Variants in TEX11 observed in about 807,000 individuals in gnomAD.
The protein encoded by TEX11 is testis expressed 11.
TEX11 carries 7 observed loss-of-function variants against 84.4 expected under a neutral mutation model. That is an observed-to-expected ratio of 0.08 (90% CI 0.05 to 0.16). The LOEUF is 0.16. Among genes scored for constraint, TEX11 ranks in the 10% least tolerant of loss-of-function variants. TEX11 has a pLI of 1.00. For missense variants in TEX11, 551 were observed against 660.5 expected, an observed-to-expected ratio of 0.83 and a Z score of 1.82; for synonymous variants, 264 against 222.8, an observed-to-expected ratio of 1.18 and a Z score of -1.64.
At chrX:70,895,938 A>G (rs2091764064) in intron 2 of TEX11, among the ~76,000 whole-genome samples, 1 of 112,438 alleles carries the variant, frequency 8.9e-6, no homozygotes, top group African/African-American at 3.2e-5. Context: ...AACCTACACA[A>G]TACCACTCAG....
chrX:70,627,323 G>C lies in TEX11; in HGVS notation c.1608+2288C>G, dbSNP rs147615028. Reference sequence around the variant, plus strand: ...TGTTTGATATGGGATAAATGAGCATGTTCATATGCTGATGGGAATAAACCA... The same window carrying C: ...TGTTTGATATGGGATAAATGAGCATCTTCATATGCTGATGGGAATAAACCA... On this transcript the variant is annotated intron_variant, in intron 18 of 29. Transcript: ENST00000374333. Among the ~76,000 whole-genome samples the C allele has an allele frequency of 6.8e-4, 77 of 112,433 alleles. 1 individual carries two copies. In the Middle Eastern group the frequency reaches 0.019, roughly 27 times the overall value.
chrX:70,851,221 G>C (rs2091506603), intron 7 of TEX11, among the ~76,000 whole-genome samples: 1 of 112,037 alleles, frequency 8.9e-6, no homozygotes, highest in Non-Finnish European at 1.9e-5. Flanking sequence ...ATCAAGACAA[G>C]TGTGGTACCA....
In TEX11 at chrX:70,797,689, G is replaced by A. The variant is rs905062818; in HGVS notation, c.692+9016C>T. ...TTATTCCTCAGATATGAGGGTGGGG[G>A]TGGTTCAGCATATAAAAATCAATAA... On this transcript the variant is annotated intron_variant, in intron 9 of 29. Transcript: ENST00000374333. Among the ~76,000 whole-genome samples, 26 of 106,603 alleles carry A rather than the reference G, an allele frequency of 2.4e-4. 1 individual carries two copies. Among genetic ancestry groups the A allele is most frequent in the Admixed American group, 1.8e-3 (17 of 9,661 alleles). The allele number at this position is 106,603 out of a possible 115,157, so 92.6% of individuals were successfully genotyped here. A position where few individuals can be genotyped will look rare whatever the true frequency, so the allele number is the denominator to read the frequency against.
At chrX:70,868,582 G>A (rs2091611617) in intron 4 of TEX11, among the ~76,000 whole-genome samples, 1 of 111,660 alleles carries the variant, frequency 9.0e-6, no homozygotes, top group African/African-American at 3.3e-5. Flanking sequence ...GCACACGCAT[G>A]TTTATTGCAG....
intron 13 of TEX11, among the ~76,000 whole-genome samples, chrX:70,688,225 C>G (rs188741604): frequency 9.0e-6 from 1 of 111,210 alleles, no homozygotes; most frequent in South Asian, 3.8e-4. Flanking sequence ...AGAAAAAAAT[C>G]TTGAATGCAC....
At chrX:70,886,111 A>G (rs1390271371) in intron 2 of TEX11, among the ~76,000 whole-genome samples, 1 of 111,266 alleles carries the variant, frequency 9.0e-6, no homozygotes, top group East Asian at 2.8e-4. Context: ...CATGAATTGA[A>G]ATCAGGGTCT....
rs752629457 is a variant in TEX11 at position 70,899,407 on chromosome X, T to A, written c.37+8346A>T. The stretch of plus-strand genomic sequence containing the variant: ...TGCTGGGCTATAGCATTAAAATTAT[T>A]ATTATATTAAAAATTAATTTCACCT... On this transcript the variant is annotated intron_variant, in intron 2 of 29. Coordinates refer to ENST00000374333, the MANE Select transcript of TEX11 (RefSeq NM_031276.3). Among the ~76,000 whole-genome samples the A allele has an allele frequency of 9.0e-5, 10 of 111,637 alleles. No homozygotes were observed. In the South Asian group the frequency reaches 3.3e-3, roughly 37 times the overall value.
At chrX:70,654,437 A>G (rs1456348248) in intron 16 of TEX11, among the ~76,000 whole-genome samples, 1 of 111,082 alleles carries the variant, frequency 9.0e-6, no homozygotes, top group East Asian at 2.8e-4. Context: ...GAAGCCGGGC[A>G]CGGTGGCTCA....
intron 9 of TEX11, among the ~76,000 whole-genome samples, chrX:70,774,273 T>TAAA (rs1309488102): frequency 3.4e-5 from 2 of 58,235 alleles, no homozygotes; most frequent in Non-Finnish European, 3.4e-5. Context: ...GCTAACATCA[T>TAAA]AAAAAAAAAA....
intron 2 of TEX11, among the ~76,000 whole-genome samples, chrX:70,895,136 A>G (rs1368585235): frequency 9.0e-6 from 1 of 111,536 alleles, no homozygotes; most frequent in African/African-American, 3.3e-5. Flanking sequence ...AGACAACCCC[A>G]TCATCTCAGC....
chrX:70,887,616 T>C (rs1304656204), intron 2 of TEX11, among the ~76,000 whole-genome samples: 2 of 112,224 alleles, frequency 1.8e-5, no homozygotes, highest in Non-Finnish European at 3.8e-5. Flanking sequence ...CCAGACAGCA[T>C]CTCTGGACCC....
At chrX:70,598,470 A>G (rs1275293994) in intron 24 of TEX11, among the ~76,000 whole-genome samples, 2 of 111,897 alleles carry the variant, frequency 1.8e-5, no homozygotes, top group Non-Finnish European at 3.8e-5. Context: ...AAATGATGAA[A>G]CATAGAGTTA....
intron 15 of TEX11, among the ~76,000 whole-genome samples, chrX:70,673,850 G>A (rs1283505622): frequency 1.8e-5 from 2 of 111,684 alleles, no homozygotes; most frequent in Non-Finnish European, 3.8e-5. Flanking sequence ...ATTGAATAGG[G>A]TAATTCTTTC....
chrX:70,632,474 T>A (rs771444257), intron 17 of TEX11, among the ~76,000 whole-genome samples: 1 of 111,279 alleles, frequency 9.0e-6, no homozygotes, highest in East Asian at 2.8e-4. Context: ...CTAGGTGTAG[T>A]GGCATGCACC....
At chrX:70,730,863 C>A (rs1174164278) in intron 11 of TEX11, among the ~76,000 whole-genome samples, 1 of 111,839 alleles carries the variant, frequency 8.9e-6, no homozygotes, top group African/African-American at 3.3e-5. Flanking sequence ...CTTTTCTGCA[C>A]CACACCACAC....
intron 16 of TEX11, among the ~76,000 whole-genome samples, chrX:70,660,851 C>T (rs1181473773): frequency 8.9e-6 from 1 of 112,363 alleles, no homozygotes; most frequent in African/African-American, 3.2e-5. Context: ...GCCTGGCCAA[C>T]TTGGTGAAAT....
chrX:70,793,248 AG>A (rs1232098646), intron 9 of TEX11, among the ~76,000 whole-genome samples: 2 of 111,953 alleles, frequency 1.8e-5, no homozygotes, highest in African/African-American at 6.5e-5. Context: ...CATAATGAAC[AG>A]GCCAAAACTA....
intron 9 of TEX11, among the ~76,000 whole-genome samples, chrX:70,777,914 A>T (rs2091012528): frequency 8.9e-6 from 1 of 112,064 alleles, no homozygotes; most frequent in South Asian, 3.7e-4. Flanking sequence ...TAATTAATTT[A>T]ACTGTAATGG....
chrX:70,624,605 TG>T (rs953755783), intron 19 of TEX11, among the ~76,000 whole-genome samples: 2 of 112,200 alleles, frequency 1.8e-5, no homozygotes, highest in African/African-American at 6.5e-5. Context: ...TGGCCTCAAG[TG>T]TAATTGACCA....
Sources: allele counts gnomAD v4.1 joint callset (sites outside exome capture counted in the v4.1 genomes callset), GRCh38; gene constraint gnomAD v4.1.1; transcripts MANE v1.5; gene names NCBI Gene and HGNC (gene_info 2026-07-23, HGNC 2026-07-21).